Variants in CAST observed in about 807,000 individuals in gnomAD.
CAST encodes MIR583 host.
CAST carries 76 observed loss-of-function variants against 119.6 expected under a neutral mutation model. The observed-to-expected ratio is 0.64, with a 90% confidence interval of 0.53 to 0.77. The LOEUF (loss-of-function observed/expected upper bound fraction) is 0.77, where lower values mean the gene tolerates loss of function less well. Ranked by LOEUF, CAST falls within the 30% of genes least tolerant of loss-of-function variation. CAST has a pLI of 0.00. For synonymous variants in CAST, 319 were observed against 331.6 expected (o/e 0.96, Z 0.41); for missense variants, 953 against 946.5 (o/e 1.01, Z -0.09).
At chr5:96,733,516 G>A (rs903590498) in intron 9 of CAST, among the ~76,000 whole-genome samples, 1 of 152,174 alleles carries the variant, frequency 6.6e-6, no homozygotes, top group Non-Finnish European at 1.5e-5. Flanking sequence ...GAAGTCTGCC[G>A]TGCATTGACT....
At position 96,736,293 on chromosome 5, in the gene CAST, A is replaced by C. The variant is rs962900807; in HGVS notation, c.699+53A>C. On this transcript the variant is annotated intron_variant, in intron 10 of 31. Transcript: ENST00000675179. ...TGAGACAGTTACTCATATGCTCTGT[A>C]TTTATCATAATCTGATTTCTTGTGG... The C allele has an allele frequency of 6.5e-5, 71 of 1,098,012 alleles. No individual in the cohort carries two copies. In the Admixed American group the frequency reaches 1.5e-3, roughly 23 times the overall value. The allele number at this position is 1,098,012 out of a possible 1,614,324, so 68.0% of individuals were successfully genotyped here. A position where few individuals can be genotyped will look rare whatever the true frequency, so the allele number is the denominator to read the frequency against.
chr5:96,737,319 C>CA lies in CAST; in HGVS notation c.700-528dup, dbSNP rs200432517. On this transcript the variant is annotated intron_variant, in intron 10 of 31. Coordinates refer to ENST00000675179, the MANE Select transcript of CAST (RefSeq NM_001750.7). ...CCTCTTCAGGCAAGCAAGTGAACAACAACAAAAAAAAACATGAATGAAATA... is the reference window on the plus strand; with the variant it reads ...CCTCTTCAGGCAAGCAAGTGAACAACAAACAAAAAAAAACATGAATGAAATA... Among the ~76,000 whole-genome samples, 14 of 139,270 alleles carry CA rather than the reference C, an allele frequency of 1.0e-4. No individual in the cohort carries two copies. In the East Asian group the frequency reaches 1.8e-3, roughly 18 times the overall value. 91.4% of individuals were successfully genotyped at this position (139,270 alleles called of 152,430 possible).
At chr5:96,641,240 ATTTTC>A (rs1480881576) in intron 1 of CAST, among the ~76,000 whole-genome samples, 2 of 152,086 alleles carry the variant, frequency 1.3e-5, no homozygotes, top group African/African-American at 4.8e-5. Context: ...GGAAAATAAA[ATTTTC>A]TTTTCTAATT....
the CAST span, among the ~76,000 whole-genome samples, chr5:96,357,315 C>T: frequency 1.3e-5 from 2 of 152,096 alleles, no homozygotes; most frequent in African/African-American, 4.8e-5. Context: ...TATTTGAATA[C>T]CCTTTATTTC....
chr5:96,703,720 A>C (rs1276852586), intron 3 of CAST, among the ~76,000 whole-genome samples: 1 of 152,152 alleles, frequency 6.6e-6, no homozygotes, highest in African/African-American at 2.4e-5. Flanking sequence ...CCACCTATGC[A>C]TCAGAATGAC....
the CAST span, among the ~76,000 whole-genome samples, chr5:96,477,685 C>T: frequency 6.6e-6 from 1 of 152,086 alleles, no homozygotes; most frequent in Non-Finnish European, 1.5e-5. Flanking sequence ...CATCATTATC[C>T]CATCATTTCT....
At chr5:96,079,121 T>G in the CAST span, 5 of 473,954 alleles carry the variant, frequency 1.1e-5, no homozygotes, top group South Asian at 6.2e-5. Context: ...ATAGGAAGGC[T>G]GTTCTTTACA....
At chr5:96,389,487 T>C in the CAST span, among the ~76,000 whole-genome samples, 1 of 152,202 alleles carries the variant, frequency 6.6e-6, no homozygotes, top group Non-Finnish European at 1.5e-5. Flanking sequence ...ATTCTAGTTT[T>C]ACTGAATGAT....
At chr5:96,273,688 AT>A in the CAST span, among the ~76,000 whole-genome samples, 1 of 152,210 alleles carries the variant, frequency 6.6e-6, no homozygotes, top group Non-Finnish European at 1.5e-5. Flanking sequence ...TGCAGAGAAT[AT>A]TTTAATGAAA....
chr5:96,272,321 G>T, the CAST span, among the ~76,000 whole-genome samples: 1 of 152,134 alleles, frequency 6.6e-6, no homozygotes, highest in Non-Finnish European at 1.5e-5. Flanking sequence ...CATGTTTATT[G>T]TTGCAGCACT....
chr5:96,012,769 G>A, the CAST span, among the ~76,000 whole-genome samples: 1 of 152,176 alleles, frequency 6.6e-6, no homozygotes, highest in Non-Finnish European at 1.5e-5. Flanking sequence ...CTTGTGGGTA[G>A]TGTATTTCCT....
the CAST span, among the ~76,000 whole-genome samples, chr5:95,967,435 A>ATAC: frequency 6.8e-6 from 1 of 147,196 alleles, no homozygotes; most frequent in Admixed American, 7.1e-5. Flanking sequence ...TAAATAAATA[A>ATAC]ATAAATAAAT....
chr5:96,722,694 C>T lies in CAST; in HGVS notation c.266C>T (p.Thr89Ile), dbSNP rs1758515305. The change falls in exon 4 of 32, where the codon ACC (threonine) becomes ATC (isoleucine). Residue 89 changes from threonine to isoleucine, a missense_variant. Transcript: ENST00000675179. ...SKSSSMNPTE[T>I]KAIPVSQQME... is the part of the protein sequence containing the mutation. ...TCTTCCAGTATGAATCCCACAGAAA[C>T]CAAGGTATGAAGAATGCTAATTGAG... 1 of 1,609,716 alleles carries T rather than the reference C, an allele frequency of 6.2e-7. No individual in the cohort carries two copies. The highest frequency in any genetic ancestry group is 8.5e-7 in the Non-Finnish European group (1 of 1,176,108).
At chr5:96,432,917 G>C in the CAST span, 4 of 1,614,080 alleles carry the variant, frequency 2.5e-6, no homozygotes, top group Non-Finnish European at 3.4e-6. Flanking sequence ...CTGCTTCCGG[G>C]CCCCCGGGGA....
the CAST span, chr5:96,429,450 T>C: frequency 4.8e-6 from 3 of 627,250 alleles, no homozygotes; most frequent in African/African-American, 1.8e-5. Flanking sequence ...TTAATATTTT[T>C]TTTCTTTTTT....
chr5:96,133,126 TCTTA>T, the CAST span, among the ~76,000 whole-genome samples: 33 of 152,150 alleles, frequency 2.2e-4, no homozygotes, highest in African/African-American at 6.3e-4. Context: ...GTTTTAAAAG[TCTTA>T]CTTACACTCA....
intron 1 of CAST, among the ~76,000 whole-genome samples, chr5:96,542,067 T>C (rs1745923175): frequency 6.6e-6 from 1 of 152,150 alleles, no homozygotes; most frequent in Admixed American, 6.5e-5. Flanking sequence ...TCCCAGCACT[T>C]TGGGAGGCTG....
chr5:96,676,342 A>G (rs1349434847), intron 2 of CAST, among the ~76,000 whole-genome samples: 1 of 152,246 alleles, frequency 6.6e-6, no homozygotes, highest in African/African-American at 2.4e-5. Context: ...TTTAAAAGGT[A>G]CATGGAAATT....
At chr5:96,303,232 G>A in the CAST span, among the ~76,000 whole-genome samples, 20 of 152,004 alleles carry the variant, frequency 1.3e-4, no homozygotes, top group Middle Eastern at 3.2e-3. Context: ...ACTCACTATC[G>A]TAAGAACAAC....
Sources: allele counts gnomAD v4.1 joint callset (sites outside exome capture counted in the v4.1 genomes callset), GRCh38; gene constraint gnomAD v4.1.1; transcripts MANE v1.5; gene names NCBI Gene and HGNC (gene_info 2026-07-23, HGNC 2026-07-21).